The following DDX19B variants were observed in gnomAD, a reference collection of about 807,000 sequenced individuals.
DDX19B encodes the protein ATP-dependent RNA helicase DDX19B.
DDX19B carries 27 observed loss-of-function variants against 58.1 expected under a neutral mutation model. The ratio of observed to expected loss-of-function variants is 0.46; its 90% CI spans 0.34 to 0.64. The LOEUF is 0.64. DDX19B is among the 30% of genes least tolerant of loss of function. The probability of loss-of-function intolerance (pLI) is 0.01; values close to 1 mark genes in which losing one functional copy is unlikely to be tolerated. For missense variants in DDX19B, 399 were observed against 596.5 expected (o/e 0.67, Z 3.45); for synonymous variants, 187 against 214.4 (o/e 0.87, Z 1.12).
chr16:70,295,898 A>G (rs143113109), upstream of DDX19B, among the ~76,000 whole-genome samples: 404 of 151,962 alleles, frequency 2.7e-3, 2 homozygotes, highest in African/African-American at 9.3e-3. Context: ...AAAACCATGC[A>G]TATGGAAAAT....
rs570517018 is a variant in DDX19B, at chr16:70,305,847, ACCT to A, written c.57+6497_57+6499del. ...GCAATCTCGGCTCACTGCAAGCTCCACCTCCTGGGTTCACGCCATTCTCCTGCC... is the reference window on the plus strand; with the variant it reads ...GCAATCTCGGCTCACTGCAAGCTCCACCTGGGTTCACGCCATTCTCCTGCC... On this transcript the variant is annotated intron_variant, in intron 1 of 11. Transcript: ENST00000288071. 6.1e-4 allele frequency among the ~76,000 whole-genome samples: 93 copies of A among 151,734 alleles called. 2 individuals are homozygous for A. In the East Asian group the frequency reaches 0.016, roughly 26 times the overall value.
upstream of DDX19B, among the ~76,000 whole-genome samples, chr16:70,298,867 C>CA (rs1961329797): frequency 6.6e-6 from 1 of 152,158 alleles, no homozygotes; most frequent in Non-Finnish European, 1.5e-5. Flanking sequence ...AAAAGGGAAA[C>CA]AGCTCTGTGC....
chr16:70,326,288 A>C (rs990629159), intron 7 of DDX19B, among the ~76,000 whole-genome samples: 1 of 152,156 alleles, frequency 6.6e-6, no homozygotes, highest in African/African-American at 2.4e-5. Context: ...CATCCTAGCT[A>C]TCATGGTGAA....
upstream of DDX19B, chr16:70,289,960 C>G (rs1402169942): frequency 3.1e-5 from 10 of 325,904 alleles, 2 homozygotes; most frequent in South Asian, 1.8e-4. Context: ...TACACTTGTC[C>G]GGGGGAGACC....
upstream of DDX19B, among the ~76,000 whole-genome samples, chr16:70,293,597 A>ATTTTTTTTTTTTTTT (rs71151182): frequency 3.6e-4 from 28 of 77,020 alleles, 3 homozygotes; most frequent in African/African-American, 1.0e-3. Context: ...GGATGGCTGA[A>ATTTTTTTTTTTTTTT]TTTTTTTTTT....
At chr16:70,297,039 C>T (rs906139999), upstream of DDX19B, among the ~76,000 whole-genome samples, 2 of 151,436 alleles carry the variant, frequency 1.3e-5, no homozygotes, top group Non-Finnish European at 2.9e-5. Context: ...CCTCAGCCTC[C>T]CAAGTAGCTG....
rs555776466 is a variant in DDX19B, at chr16:70,332,425, C to T, written c.1186+541C>T. 3.3e-5 allele frequency among the ~76,000 whole-genome samples: 5 copies of T among 152,222 alleles called. No individual in the cohort carries two copies. In the East Asian group the frequency reaches 7.7e-4, roughly 24 times the overall value. On this transcript the variant is annotated intron_variant, in intron 10 of 11. Transcript: ENST00000288071. ...AAGTGATTCTCCCGCCTCAGCCTCC[C>T]GAGTAGCTGGGATTACAGGCGCCTG...
At chr16:70,291,747 C>G (rs2152176763), upstream of DDX19B, among the ~76,000 whole-genome samples, 1 of 151,722 alleles carries the variant, frequency 6.6e-6, no homozygotes, top group African/African-American at 2.4e-5. Context: ...GGAGGCGGAG[C>G]TAGCAGTGAG....
intron 2 of DDX19B, among the ~76,000 whole-genome samples, chr16:70,314,390 C>T (rs532356882): frequency 3.3e-5 from 5 of 151,848 alleles, no homozygotes; most frequent in African/African-American, 7.2e-5. Context: ...AGGCCGGGCG[C>T]GGTAGCTCAC....
At chr16:70,325,321 T>C (rs578141004) in intron 6 of DDX19B, among the ~76,000 whole-genome samples, 1 of 152,322 alleles carries the variant, frequency 6.6e-6, no homozygotes, top group South Asian at 2.1e-4. Context: ...GAACTTTAGA[T>C]CCTTGCTCAT....
chr16:70,304,604 C>G (rs1177147034), intron 1 of DDX19B, among the ~76,000 whole-genome samples: 3 of 151,758 alleles, frequency 2.0e-5, no homozygotes, highest in Non-Finnish European at 4.4e-5. Context: ...AACCCCTGAC[C>G]TCAGGTGATC....
intron 9 of DDX19B, among the ~76,000 whole-genome samples, chr16:70,330,599 C>A (rs1379976090): frequency 1.3e-5 from 2 of 151,906 alleles, no homozygotes; most frequent in East Asian, 1.9e-4. Flanking sequence ...AATACAAAAA[C>A]AAACAAACAA....
chr16:70,312,724 A>T (rs2152195503), intron 2 of DDX19B, 67 bp downstream of exon 2: 1 of 1,394,934 alleles, frequency 7.2e-7, no homozygotes. Flanking sequence ...TTGGCATAAC[A>T]ACTGTCTGGA....
intron 1 of DDX19B, among the ~76,000 whole-genome samples, chr16:70,300,215 T>C (rs1047134094): frequency 5.3e-5 from 8 of 152,060 alleles, no homozygotes; most frequent in African/African-American, 1.9e-4. Context: ...AACTCCTTTT[T>C]TTTTTTTGGA....
At chr16:70,297,375 G>C (rs1961264936), upstream of DDX19B, among the ~76,000 whole-genome samples, 1 of 152,022 alleles carries the variant, frequency 6.6e-6, no homozygotes, top group African/African-American at 2.4e-5. Context: ...ACCATGCTTG[G>C]CTAATTTTTG....
chr16:70,315,220 C>CAA (rs765908935), intron 3 of DDX19B, among the ~76,000 whole-genome samples: 5 of 95,264 alleles, frequency 5.2e-5, no homozygotes, highest in Non-Finnish European at 7.2e-5. Context: ...ACTAAAAATA[C>CAA]AAAAAAAAAA....
At chr16:70,328,693 TGTTGACTG>T in intron 7 of DDX19B, among the ~76,000 whole-genome samples, 2 of 152,144 alleles carry the variant, frequency 1.3e-5, no homozygotes, top group Middle Eastern at 6.8e-3. Context: ...TACAATATAT[TGTTGACTG>T]TAGTCACCAC....
intron 5 of DDX19B, among the ~76,000 whole-genome samples, chr16:70,323,745 T>A (rs1962982820): frequency 1.3e-5 from 2 of 152,254 alleles, no homozygotes; most frequent in South Asian, 4.1e-4. Context: ...TTGAGCTGCT[T>A]CTTGCCACCT....
At chr16:70,295,422 C>T (rs969034496), upstream of DDX19B, among the ~76,000 whole-genome samples, 6 of 151,862 alleles carry the variant, frequency 4.0e-5, no homozygotes, top group African/African-American at 9.7e-5. Flanking sequence ...TACAGGCTCA[C>T]GCCACCACGC....
Sources: allele counts gnomAD v4.1 joint callset (sites outside exome capture counted in the v4.1 genomes callset), GRCh38; gene constraint gnomAD v4.1.1; transcripts MANE v1.5; gene names NCBI Gene and HGNC (gene_info 2026-07-23, HGNC 2026-07-21).